Variants in SGTB observed in about 807,000 individuals in gnomAD.
The protein encoded by SGTB is small glutamine-rich tetratricopeptide repeat-containing protein beta.
Under a neutral mutation model 43.9 loss-of-function variants are expected in SGTB, and 19 were observed. The ratio of observed to expected loss-of-function variants is 0.43; its 90% CI spans 0.30 to 0.63. The LOEUF (loss-of-function observed/expected upper bound fraction) is 0.63, where lower values mean the gene tolerates loss of function less well. SGTB is among the 30% of genes least tolerant of loss of function. SGTB has a pLI of 0.12. For synonymous variants in SGTB, 116 were observed against 117.3 expected, an observed-to-expected ratio of 0.99 and a Z score of 0.07; for missense variants, 304 against 358.9, an observed-to-expected ratio of 0.85 and a Z score of 1.24.
rs1374832770 is a variant in SGTB, at chr5:65,667,063, T to TTTAAC, written c.*3178_*3182dup. 2 of 152,232 alleles carry TTTAAC rather than the reference T, an allele frequency of 1.3e-5. No homozygotes were observed. The highest frequency in any genetic ancestry group is 1.9e-4 in the East Asian group (1 of 5,196). 9.4% of individuals were successfully genotyped at this position (152,232 alleles called of 1,614,324 possible). A position where few individuals can be genotyped will look rare whatever the true frequency, so the allele number is the denominator to read the frequency against. ...CTGTAGTTTTCTTTACTGGAAGGTTTTTAACTTAACCACAAACTCAATTTC... is the reference window on the plus strand; with the variant it reads ...CTGTAGTTTTCTTTACTGGAAGGTTTTTAACTTAACTTAACCACAAACTCAATTTC... On this transcript the variant is annotated 3_prime_UTR_variant, in exon 11 of 11. Transcript: ENST00000381007.
At chr5:65,677,154 A>G (rs1340669883) in intron 8 of SGTB, among the ~76,000 whole-genome samples, 2 of 152,092 alleles carry the variant, frequency 1.3e-5, no homozygotes, top group Non-Finnish European at 1.5e-5. Flanking sequence ...CCCCACAGAA[A>G]TACAAACAAC....
At chr5:65,700,682 CAAA>C (rs376335799) in intron 5 of SGTB, among the ~76,000 whole-genome samples, 4 of 80,786 alleles carry the variant, frequency 5.0e-5, no homozygotes, top group Non-Finnish European at 7.2e-5. Flanking sequence ...CTCTGTCTCC[CAAA>C]AAAAAAAAAA....
intron 1 of SGTB, among the ~76,000 whole-genome samples, chr5:65,721,316 G>T (rs988836680): frequency 5.9e-5 from 9 of 152,216 alleles, no homozygotes; most frequent in Non-Finnish European, 1.2e-4. Flanking sequence ...TTCGCGAAAG[G>T]TTATTCAAGT....
At chr5:65,694,259 G>A (rs907058825) in intron 5 of SGTB, among the ~76,000 whole-genome samples, 4 of 151,720 alleles carry the variant, frequency 2.6e-5, no homozygotes, top group Admixed American at 2.0e-4. Context: ...GTGAAACCCC[G>A]TCTCTACTAA....
chr5:65,671,768 T>G, intron 10 of SGTB, 147 bp downstream of exon 10: 1 of 699,534 alleles, frequency 1.4e-6, no homozygotes. Flanking sequence ...TTCATGAACT[T>G]CTTTCAGATT....
intron 5 of SGTB, among the ~76,000 whole-genome samples, chr5:65,698,474 G>A (rs1321520494): frequency 6.6e-6 from 1 of 152,174 alleles, no homozygotes; most frequent in African/African-American, 2.4e-5. Flanking sequence ...CCCATAGGTA[G>A]TAAGTGTCAG....
At chr5:65,703,970 G>A (rs1334068981) in intron 5 of SGTB, among the ~76,000 whole-genome samples, 4 of 136,440 alleles carry the variant, frequency 2.9e-5, no homozygotes, top group Admixed American at 7.4e-5. Flanking sequence ...CCCGGGAAGC[G>A]GAGCTTGCAG....
At chr5:65,685,635 A>C (rs1368952125) in intron 5 of SGTB, among the ~76,000 whole-genome samples, 163 bp from the exon 6 acceptor site, 1 of 152,230 alleles carries the variant, frequency 6.6e-6, no homozygotes, top group Non-Finnish European at 1.5e-5. Context: ...AAAATGAAAA[A>C]AAAAAGCTCA....
chr5:65,714,022 C>A (rs185105038), intron 2 of SGTB, among the ~76,000 whole-genome samples: 1 of 152,090 alleles, frequency 6.6e-6, no homozygotes, highest in African/African-American at 2.4e-5. Flanking sequence ...CTACTGCACT[C>A]CAGTACGGGT....
intron 5 of SGTB, among the ~76,000 whole-genome samples, chr5:65,701,696 C>T (rs1399900247): frequency 6.7e-6 from 1 of 149,584 alleles, no homozygotes; most frequent in East Asian, 2.0e-4. Context: ...GCAGTGGCGC[C>T]ATCTTGGCTT....
At position 65,667,854 on chromosome 5, in the gene SGTB, GAA is replaced by G. The variant is rs1294668007; in HGVS notation, c.*2390_*2391del. 6.6e-6 allele frequency: 1 copy of G among 152,068 alleles called. No individual in the cohort carries two copies. The highest frequency in any genetic ancestry group is 1.5e-5 in the Non-Finnish European group (1 of 68,024). 9.4% of individuals were successfully genotyped at this position (152,068 alleles called of 1,614,324 possible). A position where few individuals can be genotyped will look rare whatever the true frequency, so the allele number is the denominator to read the frequency against. ...GAATTATCCAGGTGATTCTTACAAT[GAA>G]GTTATAGAACTACTGTTCTAATGTC... On this transcript the variant is annotated 3_prime_UTR_variant, in exon 11 of 11. Coordinates refer to ENST00000381007, the MANE Select transcript of SGTB (RefSeq NM_019072.3).
chr5:65,694,546 G>A (rs1757681610), intron 5 of SGTB, among the ~76,000 whole-genome samples: 1 of 152,132 alleles, frequency 6.6e-6, no homozygotes, highest in Admixed American at 6.5e-5. Context: ...CGTGACTTCG[G>A]CTCACTGCAA....
At chr5:65,707,440 ATT>A (rs1415070320) in intron 4 of SGTB, among the ~76,000 whole-genome samples, 1 of 126,130 alleles carries the variant, frequency 7.9e-6, no homozygotes, top group African/African-American at 2.8e-5. Context: ...ACACACATAT[ATT>A]TTTTTTTTTT....
At chr5:65,714,929 G>C (rs1052584030) in intron 2 of SGTB, among the ~76,000 whole-genome samples, 6 of 152,186 alleles carry the variant, frequency 3.9e-5, no homozygotes, top group Non-Finnish European at 7.3e-5. Flanking sequence ...TTTAGTGAGG[G>C]AGAATAACGT....
chr5:65,706,511 A>G (rs1189372997), intron 4 of SGTB, among the ~76,000 whole-genome samples: 2 of 152,334 alleles, frequency 1.3e-5, no homozygotes, highest in South Asian at 2.1e-4. Flanking sequence ...AAGGCTTAAC[A>G]TATTTAACAT....
intron 6 of SGTB, among the ~76,000 whole-genome samples, chr5:65,684,562 T>C (rs79080836): frequency 6.6e-6 from 1 of 150,932 alleles, no homozygotes; most frequent in Non-Finnish European, 1.5e-5. Context: ...AGAATGCTTC[T>C]TTTTTTTTGA....
chr5:65,689,842 T>G (rs1757571878), intron 5 of SGTB, among the ~76,000 whole-genome samples: 2 of 152,070 alleles, frequency 1.3e-5, no homozygotes, highest in Non-Finnish European at 2.9e-5. Context: ...GCCCTTACTT[T>G]TCAGACTAAT....
At position 65,680,685 on chromosome 5, in the gene SGTB, C is replaced by G. The variant is rs1468841678; in HGVS notation, c.589G>C (p.Glu197Gln). Residue 197 changes from glutamate to glutamine, a missense_variant, in exon 7 of 11, where the codon GAA becomes CAA. Transcript: ENST00000381007. ...CTGGATACCTCTCTTAACTTCTGTT[C>G]TGCTATTTTCAGATTTGACTTATAG... The part of the protein sequence containing the change: ...DSYKSNLKIA[E>Q]QKLREVSSPT... 1 of 1,614,068 alleles carries G rather than the reference C, an allele frequency of 6.2e-7. No homozygotes were observed. Among genetic ancestry groups the G allele is most frequent in the East Asian group, 2.2e-5 (1 of 44,860 alleles).
At chr5:65,694,306 C>T (rs1022321362) in intron 5 of SGTB, among the ~76,000 whole-genome samples, 1 of 151,982 alleles carries the variant, frequency 6.6e-6, no homozygotes, top group Non-Finnish European at 1.5e-5. Flanking sequence ...GTGGCAGGAG[C>T]CTGTAGTCCC....
Sources: gnomAD v4.1 joint callset for allele counts (sites outside exome capture counted in the v4.1 genomes callset) on GRCh38, gnomAD v4.1.1 for gene constraint, MANE v1.5 for transcripts, NCBI Gene and HGNC (gene_info 2026-07-23, HGNC 2026-07-21) for gene names.